Variants in LNX1 observed in about 807,000 individuals in gnomAD.
The protein encoded by LNX1 is ligand of numb-protein X 1.
Under a neutral mutation model 68.4 loss-of-function variants are expected in LNX1, and 54 were observed. The ratio of observed to expected loss-of-function variants is 0.79; its 90% CI spans 0.63 to 0.99. The LOEUF (loss-of-function observed/expected upper bound fraction) is 0.99. Ranked by LOEUF, LNX1 falls within the 50% of genes least tolerant of loss-of-function variation. The pLI, the probability that LNX1 is intolerant of heterozygous loss-of-function variation, is 0.00. For missense variants in LNX1, 906 were observed against 926.4 expected (o/e 0.98, Z 0.29); for synonymous variants, 336 against 350.0 (o/e 0.96, Z 0.45).
chr4:53,565,871 C>T lies in LNX1; in HGVS notation c.380+7752G>A, dbSNP rs1425120558. On this transcript the variant is annotated intron_variant, in intron 2 of 10. Transcript: ENST00000263925. ...AGAATGCAGAAGCCTCAGGAGCCGA[C>T]GTGATCAACTGGAAGAAAGGGTATC... Among the ~76,000 whole-genome samples the T allele has an allele frequency of 3.0e-3, 458 of 151,334 alleles. 1 individual carries two copies. Among genetic ancestry groups the T allele is most frequent in the Middle Eastern group, 0.014 (4 of 294 alleles).
At chr4:53,527,057 A>AC in intron 2 of LNX1, among the ~76,000 whole-genome samples, 1 of 151,096 alleles carries the variant, frequency 6.6e-6, no homozygotes, top group South Asian at 2.1e-4. Flanking sequence ...CCCCTAAAAA[A>AC]AAAAAAAAAA....
chr4:53,486,357 G>C (rs771921486), intron 6 of LNX1, among the ~76,000 whole-genome samples: 99 of 152,242 alleles, frequency 6.5e-4, no homozygotes, highest in Non-Finnish European at 1.1e-3. Flanking sequence ...GAGTAGCTGG[G>C]GCTACAGGCA....
At chr4:53,463,187 A>G (rs868362222) in intron 9 of LNX1, among the ~76,000 whole-genome samples, 3 of 152,098 alleles carry the variant, frequency 2.0e-5, no homozygotes, top group Admixed American at 6.5e-5. Flanking sequence ...TACGTGTTCT[A>G]GTTCAAAGCT....
At chr4:53,466,122 G>C (rs1722660738) in intron 9 of LNX1, among the ~76,000 whole-genome samples, 1 of 149,842 alleles carries the variant, frequency 6.7e-6, no homozygotes, top group Admixed American at 6.7e-5. Context: ...AAGCTCCACA[G>C]AGGAGTAAAA....
At chr4:53,645,126 C>T (rs1449394907) in intron 1 of LNX1, among the ~76,000 whole-genome samples, 2 of 152,146 alleles carry the variant, frequency 1.3e-5, no homozygotes, top group South Asian at 2.1e-4. Context: ...CTATTTTTGC[C>T]TGTGTTTTTC....
intron 6 of LNX1, among the ~76,000 whole-genome samples, chr4:53,489,179 C>A (rs767635134): frequency 2.6e-5 from 4 of 151,986 alleles, no homozygotes; most frequent in Non-Finnish European, 5.9e-5. Flanking sequence ...CTTCAATGAG[C>A]TAAAAGCAAT....
chr4:53,599,983 T>A (rs11945428), intron 2 of LNX1, among the ~76,000 whole-genome samples: 2 of 152,092 alleles, frequency 1.3e-5, no homozygotes, highest in African/African-American at 2.4e-5. Context: ...CATCTGTAGC[T>A]GTTTAGATGA....
At chr4:53,546,232 G>A (rs1265158036) in intron 2 of LNX1, among the ~76,000 whole-genome samples, 1 of 152,204 alleles carries the variant, frequency 6.6e-6, no homozygotes, top group Non-Finnish European at 1.5e-5. Flanking sequence ...ATCCCTGGAA[G>A]AGCATATTCA....
intron 2 of LNX1, among the ~76,000 whole-genome samples, chr4:53,547,673 A>T (rs1486045879): frequency 6.6e-6 from 1 of 152,204 alleles, no homozygotes; most frequent in African/African-American, 2.4e-5. Context: ...CTCATGGGGC[A>T]ACCAGGAAGA....
intron 1 of LNX1, among the ~76,000 whole-genome samples, chr4:53,626,695 T>C (rs1210313963): frequency 1.3e-5 from 2 of 152,146 alleles, no homozygotes; most frequent in African/African-American, 4.8e-5. Context: ...CTTTTTGCCA[T>C]AAATAGGCAA....
upstream of LNX1, among the ~76,000 whole-genome samples, chr4:53,621,946 C>A (rs1054944606): frequency 6.6e-6 from 1 of 152,122 alleles, no homozygotes; most frequent in African/African-American, 2.4e-5. Flanking sequence ...CCCCACTACC[C>A]ACCCCACCAC....
intron 4 of LNX1, among the ~76,000 whole-genome samples, chr4:53,499,869 G>C (rs866466193): frequency 1.2e-4 from 19 of 152,330 alleles, no homozygotes; most frequent in Middle Eastern, 3.4e-3. Flanking sequence ...TGAGTTCAGA[G>C]CAAGGAGATT....
chr4:53,494,320 G>C (rs551139762), intron 6 of LNX1, among the ~76,000 whole-genome samples: 1 of 152,196 alleles, frequency 6.6e-6, no homozygotes, highest in Non-Finnish European at 1.5e-5. Context: ...GGCCTCCCGA[G>C]CCATGTGGAA....
intron 2 of LNX1, among the ~76,000 whole-genome samples, chr4:53,601,287 A>G (rs370099678): frequency 6.6e-6 from 1 of 152,186 alleles, no homozygotes; most frequent in East Asian, 1.9e-4. Context: ...AGTGCCAGCC[A>G]TCAGCCCAGG....
intron 2 of LNX1, among the ~76,000 whole-genome samples, chr4:53,533,457 G>C (rs58887272): frequency 1.1e-4 from 16 of 152,194 alleles, no homozygotes; most frequent in Non-Finnish European, 1.8e-4. Context: ...GGAGTGCAGC[G>C]GTGCGTTCTC....
At chr4:53,463,179 C>T (rs1018814522) in intron 9 of LNX1, among the ~76,000 whole-genome samples, 6 of 151,978 alleles carry the variant, frequency 3.9e-5, no homozygotes, top group African/African-American at 1.2e-4. Context: ...AAAAATATTA[C>T]GTGTTCTAGT....
rs199893471 is a variant in LNX1 at position 53,472,663 on chromosome 4, TCAA to T, written c.1892+4087_1892+4089del. On this transcript the variant is annotated intron_variant, in intron 9 of 10. Coordinates refer to ENST00000263925, the MANE Select transcript of LNX1 (RefSeq NM_001126328.3). ...ATCATTTATTTGAACAATGATTTAT[TCAA>T]CAACAACAACAACAACAACAAAAAA... Among the ~76,000 whole-genome samples, 75 of 126,512 alleles carry T rather than the reference TCAA, an allele frequency of 5.9e-4. 17 individuals carry two copies. Among genetic ancestry groups the T allele is most frequent in the East Asian group, 2.6e-3 (12 of 4,562 alleles). The allele number at this position is 126,512 out of a possible 152,430, so 83.0% of individuals were successfully genotyped here.
At chr4:53,538,779 T>G (rs1170049827) in intron 2 of LNX1, among the ~76,000 whole-genome samples, 1 of 152,150 alleles carries the variant, frequency 6.6e-6, no homozygotes, top group Non-Finnish European at 1.5e-5. Context: ...GTGTCCAGTC[T>G]CATTATTTTC....
intron 2 of LNX1, among the ~76,000 whole-genome samples, chr4:53,607,881 C>CA (rs1733296148): frequency 6.6e-6 from 1 of 152,060 alleles, no homozygotes; most frequent in African/African-American, 2.4e-5. Flanking sequence ...ACTCCCTATT[C>CA]AAAAAATGGT....
Sources: gnomAD v4.1 joint callset for allele counts (sites outside exome capture counted in the v4.1 genomes callset) on GRCh38, gnomAD v4.1.1 for gene constraint, MANE v1.5 for transcripts, NCBI Gene and HGNC (gene_info 2026-07-23, HGNC 2026-07-21) for gene names.